FAT3: variants seen among roughly 807,000 people sequenced by gnomAD.
FAT3 encodes the protein protocadherin Fat 3.
Under a neutral mutation model 310.2 loss-of-function variants are expected in FAT3, and 95 were observed. That is an observed-to-expected ratio of 0.31 (90% CI 0.26 to 0.36). The LOEUF is 0.36. Among genes scored for constraint, FAT3 ranks in the 10% least tolerant of loss-of-function variants. The probability of loss-of-function intolerance (pLI) is 1.00; values close to 1 mark genes in which losing one functional copy is unlikely to be tolerated. For synonymous variants in FAT3, 2,314 were observed against 2,192.9 expected (o/e 1.06, Z -1.54); for missense variants, 5,408 against 5,715.6 (o/e 0.95, Z 1.74).
intron 4 of FAT3, among the ~76,000 whole-genome samples, chr11:92,750,843 C>A (rs777000797): frequency 6.6e-6 from 1 of 152,304 alleles, no homozygotes; most frequent in East Asian, 1.9e-4. Flanking sequence ...TGTAAAAATA[C>A]GTGCTATTTG....
At chr11:92,715,508 T>A (rs1234712557) in intron 4 of FAT3, among the ~76,000 whole-genome samples, 2 of 152,050 alleles carry the variant, frequency 1.3e-5, no homozygotes, top group Non-Finnish European at 2.9e-5. Context: ...GGTGTGAGAT[T>A]TAATTGACAG....
chr11:92,427,135 G>A (rs562396679), intron 2 of FAT3, among the ~76,000 whole-genome samples: 2 of 152,226 alleles, frequency 1.3e-5, no homozygotes, highest in African/African-American at 4.8e-5. Flanking sequence ...TCACTTTGTA[G>A]CAATTGTGAA....
chr11:92,512,398 G>A (rs1242642012), intron 2 of FAT3, among the ~76,000 whole-genome samples: 2 of 150,790 alleles, frequency 1.3e-5, no homozygotes, highest in Non-Finnish European at 2.9e-5. Flanking sequence ...GAACAGAACT[G>A]GAACAAAAAG....
rs555969883 is a variant in FAT3, at chr11:92,697,675, A to G, written c.3669+230A>G. 3.9e-5 allele frequency among the ~76,000 whole-genome samples: 6 copies of G among 152,294 alleles called. No individual in the cohort carries two copies. In the South Asian group the frequency reaches 1.2e-3, roughly 32 times the overall value. On this transcript the variant is annotated intron_variant, in intron 4 of 27. Coordinates refer to ENST00000525166, the MANE Select transcript of FAT3 (RefSeq NM_001367949.2). ...CAGCCTTTGCCTTTTGCTGAAGGCA[A>G]TGGTGTATCACCGTCTCTGCCTTGA...
intron 2 of FAT3, among the ~76,000 whole-genome samples, chr11:92,373,870 CAT>C (rs1162002671): frequency 6.6e-6 from 1 of 151,432 alleles, no homozygotes; most frequent in Non-Finnish European, 1.5e-5. Flanking sequence ...GGGATTGGCT[CAT>C]GTGATAATGG....
At chr11:92,363,121 G>A (rs1244360977) in intron 2 of FAT3, among the ~76,000 whole-genome samples, 1 of 152,202 alleles carries the variant, frequency 6.6e-6, no homozygotes, top group Non-Finnish European at 1.5e-5. Context: ...ATCTTCTAGA[G>A]GGAGAAGGAT....
intron 2 of FAT3, among the ~76,000 whole-genome samples, chr11:92,360,619 C>CGTGA (rs1474821124): frequency 6.6e-6 from 1 of 151,974 alleles, no homozygotes; most frequent in Non-Finnish European, 1.5e-5. Context: ...ATGGTTTCAC[C>CGTGA]CTTTCTATTT....
At chr11:92,679,657 A>G (rs755311900) in intron 3 of FAT3, among the ~76,000 whole-genome samples, 2 of 151,904 alleles carry the variant, frequency 1.3e-5, no homozygotes, top group African/African-American at 4.8e-5. Flanking sequence ...CCAGGCTAAC[A>G]TGGTGAAACC....
chr11:92,325,670 T>C (rs1167139617), intron 1 of FAT3, among the ~76,000 whole-genome samples: 1 of 152,196 alleles, frequency 6.6e-6, no homozygotes, highest in Non-Finnish European at 1.5e-5. Context: ...TCTCGCTCTG[T>C]CACCAGGCTG....
chr11:92,528,433 C>A (rs891303179), intron 3 of FAT3, among the ~76,000 whole-genome samples: 2 of 152,340 alleles, frequency 1.3e-5, no homozygotes, highest in East Asian at 3.9e-4. Context: ...GTCGCCCAGG[C>A]TGGAGTGCAT....
At chr11:92,727,472 GTGTC>G (rs1412470610) in intron 4 of FAT3, among the ~76,000 whole-genome samples, 1 of 151,212 alleles carries the variant, frequency 6.6e-6, no homozygotes, top group Non-Finnish European at 1.5e-5. Flanking sequence ...TGAAATGAGA[GTGTC>G]TGAGAGGAAG....
rs375556057 is a variant in FAT3, at chr11:92,353,951, C to T, written c.1839C>T (p.Tyr613=). 1.2e-6 allele frequency: 2 copies of T among 1,612,650 alleles called. No individual in the cohort carries two copies. Among genetic ancestry groups the T allele is most frequent in the Non-Finnish European group, 1.7e-6 (2 of 1,178,968 alleles). Residue 613 remains tyrosine, a synonymous_variant, in exon 2 of 28, where the codon TAC becomes TAT. Transcript: ENST00000525166. ...TCGATGAACTTGAACTTGTAAAGTA[C>T]AAAATCATTTCTGGAAATGAACTTG... ...IDIDELELVK[Y]KIISGNELGF...
Position 92,800,648 on chromosome 11 carries a change from C to T in FAT3, c.7635C>T (p.Leu2545=), listed in dbSNP as rs974824041. ...IINDFAKDRF[L]IDSNGQVITT... is the part of the protein sequence containing the mutation. Reference sequence around the variant, plus strand: ...ATGACTTTGCCAAGGATCGATTCCTCATAGACAGCAATGGGCAGGTCATCA... The same window carrying T: ...ATGACTTTGCCAAGGATCGATTCCTTATAGACAGCAATGGGCAGGTCATCA... Residue 2545 remains leucine, a synonymous_variant, in exon 10 of 28, where the codon CTC becomes CTT. Coordinates refer to ENST00000525166, the MANE Select transcript of FAT3 (RefSeq NM_001367949.2). 12 of 1,613,788 alleles carry T rather than the reference C, an allele frequency of 7.4e-6. No homozygotes were observed. The highest frequency in any genetic ancestry group is 9.3e-6 in the Non-Finnish European group (11 of 1,179,824).
At position 92,859,214 on chromosome 11, in the gene FAT3, T is replaced by C; in HGVS notation, c.11550T>C (p.Leu3850=). The C allele has an allele frequency of 1.2e-6, 2 of 1,613,894 alleles. No homozygotes were observed. Among genetic ancestry groups the C allele is most frequent in the South Asian group, 1.1e-5 (1 of 91,080 alleles). The stretch of plus-strand genomic sequence containing the variant: ...GAAACAGTTACATCAAATATCGGCT[T>C]TCTGAAAATAGCAAAGAAGAGGATT... The part of the protein sequence containing the change: ...FAGNSYIKYR[L]SENSKEEDFK... Residue 3850 remains leucine, a synonymous_variant, in exon 21 of 28, where the codon CTT becomes CTC. Transcript: ENST00000525166.
At chr11:92,566,739 G>C (rs1480136512) in intron 3 of FAT3, among the ~76,000 whole-genome samples, 2 of 151,882 alleles carry the variant, frequency 1.3e-5, no homozygotes, top group Non-Finnish European at 2.9e-5. Context: ...CACCGTATAT[G>C]TACAACTATC....
intron 1 of FAT3, among the ~76,000 whole-genome samples, chr11:92,295,126 T>C (rs538310004): frequency 6.6e-6 from 1 of 152,268 alleles, no homozygotes; most frequent in African/African-American, 2.4e-5. Context: ...TCTCATTTAC[T>C]CATTCAGCTC....
intron 2 of FAT3, among the ~76,000 whole-genome samples, chr11:92,509,465 G>T (rs1471731927): frequency 6.6e-6 from 1 of 152,158 alleles, no homozygotes; most frequent in Non-Finnish European, 1.5e-5. Context: ...CCTAGCAAGA[G>T]TGGACTTCAT....
At chr11:92,763,466 G>A (rs1304756216) in intron 5 of FAT3, among the ~76,000 whole-genome samples, 1 of 152,126 alleles carries the variant, frequency 6.6e-6, no homozygotes, top group Non-Finnish European at 1.5e-5. Flanking sequence ...GATACTGTTG[G>A]TGTCCTGCCC....
chr11:92,264,428 A>G (rs1945876665), intron 1 of FAT3, among the ~76,000 whole-genome samples: 1 of 152,142 alleles, frequency 6.6e-6, no homozygotes, highest in African/African-American at 2.4e-5. Flanking sequence ...GTTAAATTGA[A>G]GAAACCAATC....
Sources: gnomAD v4.1 joint callset for allele counts (sites outside exome capture counted in the v4.1 genomes callset) on GRCh38, gnomAD v4.1.1 for gene constraint, MANE v1.5 for transcripts, NCBI Gene and HGNC (gene_info 2026-07-23, HGNC 2026-07-21) for gene names.